Variants in PLAC1 observed in about 807,000 individuals in gnomAD.
PLAC1 encodes the protein placenta-specific protein 1.
For missense variants in PLAC1, 136 were observed against 163.2 expected (o/e 0.83, Z 0.91); for synonymous variants, 68 against 62.1 (o/e 1.09, Z -0.44).
intron 2 of PLAC1, among the ~76,000 whole-genome samples, chrX:134,586,670 C>CTTTTTT (rs765675891): frequency 2.5e-4 from 23 of 91,059 alleles, no homozygotes; most frequent in Admixed American, 3.7e-4. Flanking sequence ...TTTTTCTTTT[C>CTTTTTT]TTTTTTTTTT....
At chrX:134,725,787 A>C (rs1015980534) in intron 2 of PLAC1, among the ~76,000 whole-genome samples, 10 of 112,003 alleles carry the variant, frequency 8.9e-5, no homozygotes, top group Non-Finnish European at 1.9e-4. Flanking sequence ...ACCTGAGGTC[A>C]GGAGTTCGAG....
intron 2 of PLAC1, among the ~76,000 whole-genome samples, chrX:134,723,038 A>G (rs370398669): frequency 9.0e-6 from 1 of 110,542 alleles, no homozygotes; most frequent in Non-Finnish European, 1.9e-5. Context: ...AGTATTATTT[A>G]TCCTAGATAC....
At chrX:134,675,893 C>T (rs2078472801) in intron 2 of PLAC1, among the ~76,000 whole-genome samples, 1 of 111,221 alleles carries the variant, frequency 9.0e-6, no homozygotes, top group Admixed American at 9.5e-5. Flanking sequence ...GCCCTCTTTC[C>T]GTCTCCCCAA....
chrX:134,717,624 A>G (rs1403356663), intron 2 of PLAC1, among the ~76,000 whole-genome samples: 1 of 111,983 alleles, frequency 8.9e-6, no homozygotes, highest in Non-Finnish European at 1.9e-5. Flanking sequence ...TTCAGTGGGG[A>G]CTGTCCCCCA....
intron 1 of PLAC1, among the ~76,000 whole-genome samples, chrX:134,642,235 G>A (rs1287698588): frequency 1.8e-5 from 2 of 111,793 alleles, no homozygotes; most frequent in African/African-American, 6.5e-5. Flanking sequence ...CATTTGAAGG[G>A]ATTTGATTAT....
At chrX:134,761,932 C>A in intron 1 of PLAC1, among the ~76,000 whole-genome samples, 1 of 111,816 alleles carries the variant, frequency 8.9e-6, no homozygotes, top group South Asian at 3.7e-4. Context: ...TAAAAATGAA[C>A]CCATAAACAG....
chrX:134,721,075 T>C (rs762345257), intron 2 of PLAC1, among the ~76,000 whole-genome samples: 1 of 112,264 alleles, frequency 8.9e-6, no homozygotes, highest in Non-Finnish European at 1.9e-5. Flanking sequence ...ATCTAGAGTA[T>C]CTAGAATTCT....
intron 2 of PLAC1, among the ~76,000 whole-genome samples, chrX:134,716,536 C>T (rs1304985373): frequency 8.9e-6 from 1 of 112,405 alleles, no homozygotes; most frequent in Non-Finnish European, 1.9e-5. Flanking sequence ...CCATATACTC[C>T]CTGTGTTTAG....
rs201999132 is a variant in PLAC1, at chrX:134,566,537, C to T, written c.146G>A (p.Cys49Tyr). The T allele has an allele frequency of 2.5e-6, 3 of 1,211,951 alleles. No homozygotes were observed. Among genetic ancestry groups the T allele is most frequent in the Non-Finnish European group, 3.4e-6 (3 of 895,486 alleles). The change falls in exon 3 of 3, where the codon TGT becomes TAT. Residue 49 changes from cysteine to tyrosine, a missense_variant. Coordinates refer to ENST00000359237, the MANE Select transcript of PLAC1 (RefSeq NM_021796.4). ...VHPFMLNNDV[C>Y]VHFHELHLGL... Reference sequence around the variant, plus strand: ...CAAGTGTAGTTCATGAAAGTGTACACACACATCGTTGTTTAGCATGAAGGG... The same window carrying T: ...CAAGTGTAGTTCATGAAAGTGTACATACACATCGTTGTTTAGCATGAAGGG...
intron 2 of PLAC1, among the ~76,000 whole-genome samples, chrX:134,667,199 T>C (rs2078440113): frequency 8.9e-6 from 1 of 112,313 alleles, no homozygotes; most frequent in African/African-American, 3.2e-5. Flanking sequence ...TAAAAGGCTT[T>C]CTGCTTCAAA....
intron 2 of PLAC1, among the ~76,000 whole-genome samples, chrX:134,705,021 TAC>T (rs1556156722): frequency 4.1e-4 from 40 of 98,281 alleles, no homozygotes; most frequent in African/African-American, 1.3e-3. Context: ...TATATATATA[TAC>T]ACACACACAC....
At position 134,727,470 on chromosome X, in the gene PLAC1, T is replaced by C. The variant is rs1465937508; in HGVS notation, n.174+5965A>G. ...AGAGGCATCAAGACAAGCTTCATATTTATATCTTGCTTCTCTTAATGCCTG... is the reference window on the plus strand; with the variant it reads ...AGAGGCATCAAGACAAGCTTCATATCTATATCTTGCTTCTCTTAATGCCTG... On this transcript the variant is annotated intron_variant and non_coding_transcript_variant, in intron 2 of 2. Coordinates refer to the PLAC1 transcript ENST00000466797. Among the ~76,000 whole-genome samples, 4 of 112,257 alleles carry C rather than the reference T, an allele frequency of 3.6e-5. No individual in the cohort carries two copies. In the East Asian group the frequency reaches 1.1e-3, roughly 31 times the overall value.
At chrX:134,689,907 C>T (rs900182514) in intron 2 of PLAC1, among the ~76,000 whole-genome samples, 1 of 112,265 alleles carries the variant, frequency 8.9e-6, no homozygotes, top group South Asian at 3.7e-4. Flanking sequence ...TTTAAGTGTA[C>T]AATTCAGTGG....
intron 1 of PLAC1, among the ~76,000 whole-genome samples, chrX:134,738,124 TAAGAC>T (rs1322237354): frequency 9.0e-6 from 1 of 110,538 alleles, no homozygotes; most frequent in Non-Finnish European, 1.9e-5. Context: ...AAGAGAAAAC[TAAGAC>T]TAGAGAAAGG....
At chrX:134,756,293 C>T (rs1167887594) in intron 1 of PLAC1, among the ~76,000 whole-genome samples, 5 of 109,814 alleles carry the variant, frequency 4.6e-5, no homozygotes. Flanking sequence ...TTTCCCCACA[C>T]CCAGATTATA....
At chrX:134,613,356 C>T (rs983253895) in intron 1 of PLAC1, among the ~76,000 whole-genome samples, 24 of 110,526 alleles carry the variant, frequency 2.2e-4, no homozygotes, top group African/African-American at 7.9e-4. Context: ...ACTCACAAGA[C>T]CTGTTACATC....
chrX:134,577,750 CGTGTGT>C (rs750817404), intron 2 of PLAC1, among the ~76,000 whole-genome samples: 2,461 of 94,095 alleles, frequency 0.026, 46 homozygotes, highest in African/African-American at 0.067. Context: ...TGCATGCATG[CGTGTGT>C]GTGTGTGTGT....
intron 2 of PLAC1, among the ~76,000 whole-genome samples, chrX:134,718,241 A>G (rs745835929): frequency 2.5e-4 from 28 of 111,337 alleles, no homozygotes; most frequent in Non-Finnish European, 5.1e-4. Context: ...CTGGAGAAAA[A>G]AAATTCCCCA....
chrX:134,695,011 A>G (rs2078557674), intron 2 of PLAC1, among the ~76,000 whole-genome samples: 1 of 112,168 alleles, frequency 8.9e-6, no homozygotes, highest in African/African-American at 3.2e-5. Flanking sequence ...AATGTTTGAT[A>G]ATCATTTCTG....
Sources: allele counts gnomAD v4.1 joint callset (sites outside exome capture counted in the v4.1 genomes callset), GRCh38; gene constraint gnomAD v4.1.1; transcripts MANE v1.5; gene names NCBI Gene and HGNC (gene_info 2026-07-23, HGNC 2026-07-21).